Variants in SUGCT observed in about 807,000 individuals in gnomAD.
SUGCT encodes succinyl-CoA:glutarate-CoA transferase.
A neutral mutation model predicts 55.0 loss-of-function variants in SUGCT; 41 were observed. The observed-to-expected ratio is 0.74, with a 90% CI of 0.58 to 0.97. The LOEUF (loss-of-function observed/expected upper bound fraction) is 0.97. SUGCT is among the 50% of genes least tolerant of loss of function. SUGCT has a pLI of 0.00. For synonymous variants in SUGCT, 187 were observed against 200.4 expected (o/e 0.93, Z 0.56); for missense variants, 568 against 547.8 (o/e 1.04, Z -0.37).
intron 12 of SUGCT, among the ~76,000 whole-genome samples, chr7:40,612,930 C>T (rs766329750): frequency 2.2e-4 from 34 of 151,976 alleles, no homozygotes; most frequent in Non-Finnish European, 4.0e-4. Flanking sequence ...GTTAGGAGTT[C>T]GAGAACAGCC....
chr7:40,712,162 A>C (rs563199406), intron 12 of SUGCT, among the ~76,000 whole-genome samples: 1 of 152,366 alleles, frequency 6.6e-6, no homozygotes, highest in Non-Finnish European at 1.5e-5. Context: ...TATGAATGAT[A>C]GATCCATGTC....
intron 13 of SUGCT, among the ~76,000 whole-genome samples, chr7:40,827,226 T>A (rs1792358961): frequency 6.6e-6 from 1 of 152,028 alleles, no homozygotes; most frequent in Non-Finnish European, 1.5e-5. Flanking sequence ...CTGGGTCAAA[T>A]GAAAACCCAT....
rs114739723 is a variant in SUGCT at position 40,671,317 on chromosome 7, G to A, written c.1090-78117G>A. Reference sequence around the variant, plus strand: ...AACACTCATTCATTATAAGACTCTCGGAAAAGTATAAACAAAGGAAAACTT... The same window carrying A: ...AACACTCATTCATTATAAGACTCTCAGAAAAGTATAAACAAAGGAAAACTT... On this transcript the variant is annotated intron_variant, in intron 12 of 13. Transcript: ENST00000335693. 1.2e-4 allele frequency among the ~76,000 whole-genome samples: 19 copies of A among 152,130 alleles called. No homozygotes were observed. In the South Asian group the frequency reaches 2.9e-3, roughly 23 times the overall value.
intron 12 of SUGCT, among the ~76,000 whole-genome samples, chr7:40,540,380 A>T (rs946551994): frequency 6.6e-6 from 1 of 152,254 alleles, no homozygotes; most frequent in Non-Finnish European, 1.5e-5. Flanking sequence ...TATATTGCAG[A>T]GCCAAAATTC....
In SUGCT at chr7:40,708,200, T is replaced by C. The variant is rs543757042; in HGVS notation, c.1090-41234T>C. Among the ~76,000 whole-genome samples the C allele has an allele frequency of 2.0e-5, 3 of 152,252 alleles. No homozygotes were observed. In the South Asian group the frequency reaches 6.2e-4, roughly 32 times the overall value. On this transcript the variant is annotated intron_variant, in intron 12 of 13. Coordinates refer to ENST00000335693, the MANE Select transcript of SUGCT (RefSeq NM_001193313.2). ...TTTCAGTACTAACGTCAACATTGGG[T>C]ACCAGGACTGAAACACTTCCTGGGT... is the stretch of plus-strand genomic sequence containing the variant.
rs527977383 is a variant in SUGCT at position 40,467,986 on chromosome 7, C to T, written c.986+8788C>T. 7.2e-3 allele frequency among the ~76,000 whole-genome samples: 934 copies of T among 129,686 alleles called. 39 individuals are homozygous for T. Among genetic ancestry groups the T allele is most frequent in the Admixed American group, 0.066 (850 of 12,836 alleles). 85.1% of individuals were successfully genotyped at this position (129,686 alleles called of 152,430 possible). The stretch of plus-strand genomic sequence containing the variant: ...ATTTTCTTTTTTTTTTTTTTTTTAA[C>T]TAAAAGAGTACCTTAATAGCCCCTA... On this transcript the variant is annotated intron_variant, in intron 11 of 13. Transcript: ENST00000335693.
chr7:40,978,428 T>A, the SUGCT span, among the ~76,000 whole-genome samples: 1 of 152,136 alleles, frequency 6.6e-6, no homozygotes, highest in Non-Finnish European at 1.5e-5. Context: ...ACTGAACACC[T>A]ACCAAGTGCC....
chr7:40,840,787 A>C (rs1793237901), intron 13 of SUGCT, among the ~76,000 whole-genome samples: 1 of 126,394 alleles, frequency 7.9e-6, no homozygotes, highest in Non-Finnish European at 1.7e-5. Context: ...AAAAGTTAAT[A>C]ATATTGATAA....
chr7:40,721,667 C>T (rs1047726798), intron 12 of SUGCT, among the ~76,000 whole-genome samples: 2 of 152,208 alleles, frequency 1.3e-5, no homozygotes, highest in Non-Finnish European at 2.9e-5. Flanking sequence ...TACTTATGCA[C>T]AGAACATTCC....
intron 12 of SUGCT, among the ~76,000 whole-genome samples, chr7:40,512,980 T>G (rs1307283953): frequency 6.6e-6 from 1 of 152,170 alleles, no homozygotes; most frequent in Non-Finnish European, 1.5e-5. Flanking sequence ...AGGAGAGGAT[T>G]CTGCTGATCC....
chr7:40,419,891 A>G (rs867144900), intron 9 of SUGCT, among the ~76,000 whole-genome samples: 1 of 152,200 alleles, frequency 6.6e-6, no homozygotes, highest in Non-Finnish European at 1.5e-5. Context: ...GCTTGCATGT[A>G]TTGTCTCCTA....
chr7:40,992,417 T>C, the SUGCT span, among the ~76,000 whole-genome samples: 1 of 152,174 alleles, frequency 6.6e-6, no homozygotes, highest in African/African-American at 2.4e-5. Flanking sequence ...GCAAGGTCTT[T>C]ACGACCTGTA....
chr7:40,682,551 G>A (rs879594498), intron 12 of SUGCT, among the ~76,000 whole-genome samples: 1 of 152,200 alleles, frequency 6.6e-6, no homozygotes, highest in Non-Finnish European at 1.5e-5. Flanking sequence ...GAATTACAGA[G>A]CACTCAGTTG....
chr7:40,274,405 A>G (rs933016997), intron 7 of SUGCT, 108 bp from the exon 8 acceptor site: 4 of 1,178,100 alleles, frequency 3.4e-6, no homozygotes, highest in African/African-American at 1.5e-5. Flanking sequence ...GTGTCTGCAC[A>G]GTTAATAGAC....
At chr7:40,782,886 A>G (rs1186591262) in intron 13 of SUGCT, among the ~76,000 whole-genome samples, 2 of 152,164 alleles carry the variant, frequency 1.3e-5, no homozygotes, top group Non-Finnish European at 2.9e-5. Flanking sequence ...TCTTTTCACT[A>G]TGGTCCTTTA....
At chr7:40,149,210 A>G (rs545519663) in intron 1 of SUGCT, among the ~76,000 whole-genome samples, 1 of 152,214 alleles carries the variant, frequency 6.6e-6, no homozygotes, top group African/African-American at 2.4e-5. Flanking sequence ...TACAACCTTA[A>G]ATACTGGATT....
At chr7:40,541,815 C>T (rs1052152990) in intron 12 of SUGCT, among the ~76,000 whole-genome samples, 1 of 152,140 alleles carries the variant, frequency 6.6e-6, no homozygotes, top group Admixed American at 6.5e-5. Flanking sequence ...GCTAAATTCA[C>T]ACCTGTAAAC....
chr7:40,203,435 G>C lies in SUGCT; in HGVS notation c.484+8375G>C, dbSNP rs114755813. 3.5e-3 allele frequency among the ~76,000 whole-genome samples: 526 copies of C among 152,268 alleles called. 4 individuals carry two copies. Among genetic ancestry groups the C allele is most frequent in the African/African-American group, 0.012 (493 of 41,550 alleles). On this transcript the variant is annotated intron_variant, in intron 6 of 13. Coordinates refer to ENST00000335693, the MANE Select transcript of SUGCT (RefSeq NM_001193313.2). Reference sequence around the variant, plus strand: ...GTAGTAAGGATTAACATTAAGTCGAGTGAACATGAGATAGCTGTCTTCAAA... The same window carrying C: ...GTAGTAAGGATTAACATTAAGTCGACTGAACATGAGATAGCTGTCTTCAAA...
chr7:40,362,478 T>C (rs1798205442), intron 9 of SUGCT, among the ~76,000 whole-genome samples: 1 of 152,096 alleles, frequency 6.6e-6, no homozygotes. Context: ...ATGTAATCCT[T>C]CAGTGTCTCC....
Sources: gnomAD v4.1 joint callset for allele counts (sites outside exome capture counted in the v4.1 genomes callset) on GRCh38, gnomAD v4.1.1 for gene constraint, MANE v1.5 for transcripts, NCBI Gene and HGNC (gene_info 2026-07-23, HGNC 2026-07-21) for gene names.